CIRBP: variants seen among roughly 807,000 people sequenced by gnomAD.
The protein encoded by CIRBP is cold-inducible RNA-binding protein.
Under a neutral mutation model 22.3 loss-of-function variants are expected in CIRBP, and 11 were observed. The ratio of observed to expected loss-of-function variants is 0.49; its 90% CI spans 0.31 to 0.82. The LOEUF (loss-of-function observed/expected upper bound fraction) is 0.82, where lower values mean the gene tolerates loss of function less well. Among genes scored for constraint, CIRBP ranks in the 40% least tolerant of loss-of-function variants. The pLI, the probability that CIRBP is intolerant of heterozygous loss-of-function variation, is 0.05. For missense variants in CIRBP, 456 were observed against 402.7 expected, an observed-to-expected ratio of 1.13 and a Z score of -1.13; for synonymous variants, 216 against 158.8, an observed-to-expected ratio of 1.36 and a Z score of -2.71.
At chr19:1,270,229 C>T (rs369068787) in intron 1 of CIRBP, 4 of 308,208 alleles carry the variant, frequency 1.3e-5, no homozygotes, top group Non-Finnish European at 1.9e-5. Context: ...TCCCTGACAG[C>T]CAGCCCCCCC....
rs1022832797 is a variant in CIRBP at position 1,274,207 on chromosome 19, G to C, written c.*1764G>C. ...GAGGTCACAGCCCCCTGACTAGCCTGAGACCTTCCTAGGGGCTGTGGCTGT... is the reference window on the plus strand; with the variant it reads ...GAGGTCACAGCCCCCTGACTAGCCTCAGACCTTCCTAGGGGCTGTGGCTGT... On this transcript the variant is annotated 3_prime_UTR_variant, in exon 6 of 6. Coordinates refer to ENST00000587896, the MANE Select transcript of CIRBP (RefSeq NM_001300829.2). 1.7e-4 allele frequency: 66 copies of C among 399,394 alleles called. No homozygotes were observed. Among genetic ancestry groups the C allele is most frequent in the Middle Eastern group, 1.1e-3 (3 of 2,716 alleles). 24.7% of individuals were successfully genotyped at this position (399,394 alleles called of 1,614,324 possible).
chr19:1,274,592 GCCGGGTCCCCCGC>G lies in CIRBP; in HGVS notation c.*2151_*2163del, dbSNP rs2081391865. The G allele has an allele frequency of 6.1e-6, 2 of 327,784 alleles. No homozygotes were observed. The highest frequency in any genetic ancestry group is 4.3e-5 in the African/African-American group (2 of 46,996). 20.3% of individuals were successfully genotyped at this position (327,784 alleles called of 1,614,324 possible). ...GTGCAGGGCAGCGCCTCCCGGGAGC[GCCGGGTCCCCCGC>G]CTGGAGCCCGCGCCTGTTCTCCCTC... On this transcript the variant is annotated 3_prime_UTR_variant, in exon 6 of 6. Coordinates refer to ENST00000587896, the MANE Select transcript of CIRBP (RefSeq NM_001300829.2).
intron 1 of CIRBP, chr19:1,269,771 C>A (rs1192924377): frequency 4.3e-6 from 2 of 464,110 alleles, no homozygotes; most frequent in Admixed American, 2.2e-5. Context: ...GTCTCCAGGG[C>A]CGCTTTCCCG....
At chr19:1,270,473 A>T (rs1366825267) in intron 1 of CIRBP, among the ~76,000 whole-genome samples, 1 of 152,184 alleles carries the variant, frequency 6.6e-6, no homozygotes, top group Admixed American at 6.5e-5. Flanking sequence ...ATTTGAATTA[A>T]GAAGTCCTAG....
intron 5 of CIRBP, 148 bp downstream of exon 5, chr19:1,271,780 G>GCTCAGGACAT (rs1354087159): frequency 1.4e-6 from 1 of 703,052 alleles, no homozygotes; most frequent in African/African-American, 1.8e-5. Context: ...AGAGGAGACT[G>GCTCAGGACAT]CTCAGGACAT....
intron 1 of CIRBP, among the ~76,000 whole-genome samples, chr19:1,270,568 G>T (rs140616392): frequency 1.3e-5 from 2 of 152,184 alleles, no homozygotes; most frequent in Non-Finnish European, 2.9e-5. Flanking sequence ...AGGAGTTTCA[G>T]ACCAGCCTGG....
At position 1,272,127 on chromosome 19, in the gene CIRBP, G is replaced by A; in HGVS notation, c.578G>A (p.Ser193Asn). 6.2e-7 allele frequency: 1 copy of A among 1,613,452 alleles called. No individual in the cohort carries two copies. Among genetic ancestry groups the A allele is most frequent in the Non-Finnish European group, 8.5e-7 (1 of 1,179,932 alleles). The change falls in exon 6 of 6, where the codon AGC becomes AAC. Residue 193 changes from serine to asparagine, a missense_variant. By Grantham distance (46) the Ser-to-Asn change is conservative. Coordinates refer to ENST00000587896, the MANE Select transcript of CIRBP (RefSeq NM_001300829.2). ...CGGTTCACCTTGGTGCCCTCTCCAAGCACTTTAGGCTGGACACTCAGACCT... is the reference window on the plus strand; with the variant it reads ...CGGTTCACCTTGGTGCCCTCTCCAAACACTTTAGGCTGGACACTCAGACCT... The part of the protein sequence containing the change: ...GARFTLVPSP[S>N]TLGWTLRPCH...
Position 1,274,333 on chromosome 19 carries a change from G to A in CIRBP, c.*1890G>A, listed in dbSNP as rs534701100. 7.5e-6 allele frequency: 3 copies of A among 401,328 alleles called. No homozygotes were observed. Among genetic ancestry groups the A allele is most frequent in the East Asian group, 3.6e-5 (1 of 28,086 alleles). 24.9% of individuals were successfully genotyped at this position (401,328 alleles called of 1,614,324 possible). On this transcript the variant is annotated 3_prime_UTR_variant, in exon 6 of 6. Transcript: ENST00000587896. ...TTGAAGGGGCCCGGCCAGGACTCGG[G>A]GAAGGGTGGCCTGAGAGCAGCGATG...
chr19:1,271,880 C>G lies in CIRBP; in HGVS notation c.432-101C>G, dbSNP rs1600025294. 3.7e-6 allele frequency: 4 copies of G among 1,082,906 alleles called. No individual in the cohort carries two copies. In the East Asian group the frequency reaches 9.5e-5, roughly 26 times the overall value. The allele number at this position is 1,082,906 out of a possible 1,614,324, so 67.1% of individuals were successfully genotyped here. A position where few individuals can be genotyped will look rare whatever the true frequency, so the allele number is the denominator to read the frequency against. Reference sequence around the variant, plus strand: ...CCCTGCTGGGGTCCTTGTTGTGTCCCCAGAAGGGACGGCTGGCATGGGGGC... The same window carrying G: ...CCCTGCTGGGGTCCTTGTTGTGTCCGCAGAAGGGACGGCTGGCATGGGGGC... On this transcript the variant is annotated intron_variant, in intron 5 of 5. Transcript: ENST00000587896.
At chr19:1,271,876 G>C in intron 5 of CIRBP, 105 bp from the exon 6 acceptor site, 1 of 1,014,536 alleles carries the variant, frequency 9.9e-7, no homozygotes, top group Non-Finnish European at 1.5e-6. Context: ...TCCTTGTTGT[G>C]TCCCCAGAAG....
In CIRBP at chr19:1,272,369, G is replaced by A; in HGVS notation, c.820G>A (p.Val274Met). The A allele has an allele frequency of 6.2e-7, 1 of 1,606,808 alleles. No individual in the cohort carries two copies. The highest frequency in any genetic ancestry group is 8.5e-7 in the Non-Finnish European group (1 of 1,177,262). Residue 274 changes from valine to methionine, a missense_variant, in exon 6 of 6, where the codon GTG (valine) becomes ATG (methionine). Around this residue, in one of 2 missense-constraint regions of CIRBP, gnomAD observed 426 missense variants for 339.6 expected, o/e 1.25. Coordinates refer to ENST00000587896, the MANE Select transcript of CIRBP (RefSeq NM_001300829.2). Reference protein sequence around the residue: ...RRPRPGLASGVKLPLVASVPL... With the variant: ...RRPRPGLASGMKLPLVASVPL... The stretch of plus-strand genomic sequence containing the variant: ...GCCGCGCCCTGGTCTGGCCTCTGGG[G>A]TGAAGCTGCCTCTTGTTGCTTCGGT...
chr19:1,271,684 CCGTCCCG>C (rs2145530004), intron 5 of CIRBP, 52 bp downstream of exon 5: 2 of 1,174,622 alleles, frequency 1.7e-6, no homozygotes, highest in South Asian at 1.4e-5. Flanking sequence ...TGGCCAGCTT[CCGTCCCG>C]GGTCCCAGGT....
rs767329208 is a variant in CIRBP, at chr19:1,271,545, G to A, written c.350-6G>A. 3 of 1,590,710 alleles carry A rather than the reference G, an allele frequency of 1.9e-6. No homozygotes were observed. In the East Asian group the frequency reaches 6.7e-5, roughly 36 times the overall value. The stretch of plus-strand genomic sequence containing the variant: ...AGCTGGTACTCACTTTTTCCTGTAT[G>A]TGCAGGAGGAGGGGACCGAGGCTAT... On this transcript the variant is annotated splice_polypyrimidine_tract_variant and splice_region_variant and intron_variant, in intron 4 of 5. Coordinates refer to ENST00000587896, the MANE Select transcript of CIRBP (RefSeq NM_001300829.2).
chr19:1,269,734 C>CG, intron 1 of CIRBP: 1 of 370,778 alleles, frequency 2.7e-6, no homozygotes, highest in South Asian at 2.0e-5. Flanking sequence ...GCGCACGCGG[C>CG]GGGGGCGGGG....
At position 1,272,294 on chromosome 19, in the gene CIRBP, C is replaced by G. The variant is rs772958212; in HGVS notation, c.745C>G (p.Arg249Gly). 3.1e-6 allele frequency: 5 copies of G among 1,613,296 alleles called. No homozygotes were observed. In the East Asian group the frequency reaches 1.1e-4, roughly 36 times the overall value. ...AGQSARCMCG[R>G]RPASLGCGGW... ...GCAGTCAGCTAGGTGCATGTGTGGC[C>G]GCAGGCCAGCCTCCCTCGGCTGTGG... The change falls in exon 6 of 6, where the codon CGC becomes GGC. Residue 249 changes from arginine (R) to glycine (G), a missense_variant. Arg to Gly is a moderately radical substitution (Grantham distance 125). Around this residue, in one of 2 missense-constraint regions of CIRBP, gnomAD observed 426 missense variants for 339.6 expected, o/e 1.25. Transcript: ENST00000587896.
At chr19:1,270,123 T>C in intron 1 of CIRBP, 1 of 518,968 alleles carries the variant, frequency 1.9e-6, no homozygotes, top group Non-Finnish European at 3.9e-6. Flanking sequence ...AATCCTGCCT[T>C]ATCACTTCCG....
At chr19:1,269,854 C>A (rs1261433871) in intron 1 of CIRBP, 3 of 519,554 alleles carry the variant, frequency 5.8e-6, no homozygotes, top group Non-Finnish European at 1.2e-5. Context: ...TTTCCCATTG[C>A]GATTGCATGA....
chr19:1,269,495 A>G (rs2081296232), intron 1 of CIRBP, 85 bp downstream of exon 1: 1 of 148,530 alleles, frequency 6.7e-6, no homozygotes. Flanking sequence ...CCGCAGCGGC[A>G]CGCCCCTGGG....
intron 1 of CIRBP, chr19:1,270,102 C>T (rs369590574): frequency 3.9e-4 from 205 of 519,508 alleles, no homozygotes; most frequent in Non-Finnish European, 5.3e-4. Context: ...ATGCCACTTC[C>T]CCTGCCTGGA....
Sources: gnomAD v4.1 joint callset for allele counts (sites outside exome capture counted in the v4.1 genomes callset) on GRCh38, gnomAD v4.1.1 for gene constraint, gnomAD v4.1.1 regional missense constraint, MANE v1.5 for transcripts, NCBI Gene and HGNC (gene_info 2026-07-23, HGNC 2026-07-21) for gene names.